Variants in SLC45A1 observed in about 807,000 individuals in gnomAD.
SLC45A1 encodes the protein solute carrier family 45 member 1.
SLC45A1 carries 28 observed loss-of-function variants against 57.6 expected under a neutral mutation model. The ratio of observed to expected loss-of-function variants is 0.49; its 90% CI spans 0.36 to 0.67. The LOEUF is 0.67. Among genes scored for constraint, SLC45A1 ranks in the 30% least tolerant of loss-of-function variants. The pLI is 0.00. For synonymous variants in SLC45A1, 459 were observed against 471.5 expected (o/e 0.97, Z 0.34); for missense variants, 814 against 1,041.5 (o/e 0.78, Z 3.01).
chr1:8,344,058 C>A lies in SLC45A1; in HGVS notation c.*45C>A. 1 of 1,559,690 alleles carries A rather than the reference C, an allele frequency of 6.4e-7. No individual in the cohort carries two copies. The highest frequency in any genetic ancestry group is 1.2e-5 in the South Asian group (1 of 85,214). Reference sequence around the variant, plus strand: ...CGGACACGCGCCTGCACCTGGGGGTCTGGAGCAGGCCGACCAGTGAGGACC... The same window carrying A: ...CGGACACGCGCCTGCACCTGGGGGTATGGAGCAGGCCGACCAGTGAGGACC... On this transcript the variant is annotated 3_prime_UTR_variant, in exon 9 of 9. Transcript: ENST00000471889.
Position 8,324,481 on chromosome 1 carries a change from A to G in SLC45A1, c.152A>G (p.Lys51Arg), listed in dbSNP as rs1557559111. The part of the protein sequence containing the change: ...HRANNFKRHP[K>R]RRKCIRPSPP... ...GCCAACAACTTCAAACGACACCCCA[A>G]GAGGAGGAAGTGCATTCGTCCCTCC... The change falls in exon 2 of 9, where the codon AAG (lysine) becomes AGG (arginine). Residue 51 changes from lysine to arginine, a missense_variant. Coordinates refer to ENST00000471889, the MANE Select transcript of SLC45A1 (RefSeq NM_001080397.3). 3.1e-6 allele frequency: 5 copies of G among 1,612,584 alleles called. No homozygotes were observed. The highest frequency in any genetic ancestry group is 1.3e-5 in the African/African-American group (1 of 74,968).
Position 8,335,653 on chromosome 1 carries a change from C to T in SLC45A1, c.1597+63C>T, listed in dbSNP as rs907415746. ...CTGCTCAGGGCTCTCGCCCCACTGG[C>T]CTCCCAGGATGCCCCTGAGCCTCCC... is the stretch of plus-strand genomic sequence containing the variant. On this transcript the variant is annotated intron_variant, in intron 6 of 8. Transcript: ENST00000471889. This position sits in a 1 kb window ranked among gnomAD's most constrained non-coding sequence, Gnocchi z 4.1. 48 of 1,494,620 alleles carry T rather than the reference C, an allele frequency of 3.2e-5. No individual in the cohort carries two copies. Among genetic ancestry groups the T allele is most frequent in the Non-Finnish European group, 3.7e-5 (42 of 1,122,458 alleles). The allele number at this position is 1,494,620 out of a possible 1,614,324, so 92.6% of individuals were successfully genotyped here.
chr1:8,335,474 G>A lies in SLC45A1; in HGVS notation c.1481G>A (p.Ser494Asn). The A allele has an allele frequency of 1.9e-6, 3 of 1,600,074 alleles. No individual in the cohort carries two copies. The highest frequency in any genetic ancestry group is 2.2e-5 in the East Asian group (1 of 44,842). The change falls in exon 6 of 9, where the codon AGC becomes AAC. Residue 494 changes from serine (S) to asparagine (N), a missense_variant. Ser to Asn is a conservative substitution (Grantham distance 46). Coordinates refer to ENST00000471889, the MANE Select transcript of SLC45A1 (RefSeq NM_001080397.3). The surrounding 1 kb of genome is among the most constrained non-coding windows in gnomAD (Gnocchi z 4.1). ...NILLNGVKYE[S>N]ELTGSSERAE... ...CTGCTCAACGGCGTGAAGTATGAGA[G>A]CGAGCTGACGGGCTCCAGCGAGCGC...
chr1:8,338,065 C>A, intron 7 of SLC45A1, 73 bp downstream of exon 7: 2 of 1,411,778 alleles, frequency 1.4e-6, no homozygotes, highest in Non-Finnish European at 1.9e-6. Context: ...GAAATGAAGG[C>A]AGGTTCATGG....
rs368675682 is a variant in SLC45A1, at chr1:8,324,309, C to T, written c.-21C>T. On this transcript the variant is annotated 5_prime_UTR_variant, in exon 2 of 9. It adds an upstream start codon to the 5' untranslated region. Transcript: ENST00000471889. ...TCCCCACGGGCTTTCCTCACAGGGA[C>T]GCCCACCAGCCCTCCCCACGATGAT... 4.7e-5 allele frequency: 75 copies of T among 1,605,096 alleles called. No homozygotes were observed. The highest frequency in any genetic ancestry group is 9.3e-5 in the African/African-American group (7 of 74,918).
chr1:8,335,428 T>C lies in SLC45A1; in HGVS notation c.1444-9T>C, dbSNP rs1306396589. The C allele has an allele frequency of 1.3e-6, 2 of 1,579,234 alleles. No individual in the cohort carries two copies. ...GGGCTCTGATGAGGGGTTTGTGGGC[T>C]CTTCCCAGGTGGCCAATATCCTGCT... On this transcript the variant is annotated splice_polypyrimidine_tract_variant and intron_variant, in intron 5 of 8. Transcript: ENST00000471889. The surrounding 1 kb of genome is among the most constrained non-coding windows in gnomAD (Gnocchi z 4.1).
rs764301428 is a variant in SLC45A1 at position 8,325,278 on chromosome 1, G to A, written c.398-20G>A. On this transcript the variant is annotated intron_variant, in intron 2 of 8. Coordinates refer to ENST00000471889, the MANE Select transcript of SLC45A1 (RefSeq NM_001080397.3). The surrounding 1 kb of genome is among the most constrained non-coding windows in gnomAD (Gnocchi z 6.3). Reference sequence around the variant, plus strand: ...TGCCATGGGGACCCTGGCAATGACCGCTGGCCTGCTCTGTTTCAGGATTCC... The same window carrying A: ...TGCCATGGGGACCCTGGCAATGACCACTGGCCTGCTCTGTTTCAGGATTCC... 16 of 1,578,396 alleles carry A rather than the reference G, an allele frequency of 1.0e-5. No individual in the cohort carries two copies. Among genetic ancestry groups the A allele is most frequent in the East Asian group, 4.5e-5 (2 of 44,704 alleles).
intron 6 of SLC45A1, among the ~76,000 whole-genome samples, chr1:8,336,280 C>T (rs563775132): frequency 8.5e-5 from 13 of 152,060 alleles, no homozygotes; most frequent in African/African-American, 2.2e-4. Context: ...CATGGTGGTG[C>T]GTGCCTGTAA....
In SLC45A1 at chr1:8,339,596, C is replaced by T. The variant is rs747485662; in HGVS notation, c.1878C>T (p.Asn626=). Residue 626 remains asparagine (N), a synonymous_variant, in exon 8 of 9, where the codon AAC becomes AAT. Coordinates refer to ENST00000471889, the MANE Select transcript of SLC45A1 (RefSeq NM_001080397.3). ...LGTGLATLSR[N]LYVVLSLCIT... Reference sequence around the variant, plus strand: ...CCGGGCTTGCCACCCTCTCCAGGAACCTCTACGTGGTCCTGTCGCTCTGCA... The same window carrying T: ...CCGGGCTTGCCACCCTCTCCAGGAATCTCTACGTGGTCCTGTCGCTCTGCA... 7.4e-6 allele frequency: 12 copies of T among 1,614,122 alleles called. No homozygotes were observed. In the South Asian group the frequency reaches 1.1e-4, roughly 15 times the overall value.
At position 8,325,902 on chromosome 1, in the gene SLC45A1, G is replaced by T; in HGVS notation, c.575G>T (p.Gly192Val). 1 of 1,614,054 alleles carries T rather than the reference G, an allele frequency of 6.2e-7. No homozygotes were observed. The highest frequency in any genetic ancestry group is 1.3e-5 in the African/African-American group (1 of 75,068). The change falls in exon 4 of 9, where the codon GGC becomes GTC. Residue 192 changes from glycine to valine, a missense_variant. By Grantham distance (109) the Gly-to-Val change is moderately radical (BLOSUM62 -3). Coordinates refer to ENST00000471889, the MANE Select transcript of SLC45A1 (RefSeq NM_001080397.3). This position sits in a 1 kb window ranked among gnomAD's most constrained non-coding sequence, Gnocchi z 6.3. ...LADVTGNHKWGLLLTVCGVVL... is the reference protein window; with the variant it reads ...LADVTGNHKWVLLLTVCGVVL... ...GACGTGACCGGGAACCACAAGTGGG[G>T]CCTGCTGCTGACCGTGTGCGGTGTG...
chr1:8,336,409 C>CA (rs1208792018), intron 6 of SLC45A1, among the ~76,000 whole-genome samples: 10,305 of 92,566 alleles, frequency 0.11, 406 homozygotes, highest in Middle Eastern at 0.15. Flanking sequence ...GACTCCATCT[C>CA]AAAAAAAAAA....
In SLC45A1 at chr1:8,324,732, C is replaced by A; in HGVS notation, c.397+6C>A. The stretch of plus-strand genomic sequence containing the variant: ...GTTCATCAGCCCCATCCTCGGTGAG[C>A]CCCGGCTCCTCCCCGATGGTGGAGG... On this transcript the variant is annotated splice_donor_region_variant and intron_variant, in intron 2 of 8. Coordinates refer to ENST00000471889, the MANE Select transcript of SLC45A1 (RefSeq NM_001080397.3). 3 of 1,571,798 alleles carry A rather than the reference C, an allele frequency of 1.9e-6. No individual in the cohort carries two copies. The highest frequency in any genetic ancestry group is 2.6e-6 in the Non-Finnish European group (3 of 1,157,536).
chr1:8,336,767 C>T (rs1037239710), intron 6 of SLC45A1, among the ~76,000 whole-genome samples: 28 of 152,156 alleles, frequency 1.8e-4, no homozygotes, highest in African/African-American at 6.8e-4. Context: ...TGGCATAGAA[C>T]ATTGTAGATG....
rs756713316 is a variant in SLC45A1, at chr1:8,330,909, G to A, written c.1416G>A (p.Arg472=). 2 of 1,598,154 alleles carry A rather than the reference G, an allele frequency of 1.3e-6. No individual in the cohort carries two copies. The highest frequency in any genetic ancestry group is 1.3e-5 in the African/African-American group (1 of 74,532). ...AAGGGGPETS[R]RRNVTFSQQV... ...GAGGAGGGGGTCCCGAAACCAGCAG[G>A]AGAAGGAATGTGACCTTCAGTCAGC... Residue 472 remains arginine (R), a synonymous_variant, in exon 5 of 9, where the codon AGG becomes AGA. Transcript: ENST00000471889. The surrounding 1 kb of genome is among the most constrained non-coding windows in gnomAD (Gnocchi z 8.4).
chr1:8,321,480 G>A (rs752232619), intron 1 of SLC45A1, among the ~76,000 whole-genome samples: 1 of 152,060 alleles, frequency 6.6e-6, no homozygotes, highest in Non-Finnish European at 1.5e-5. Flanking sequence ...CACCCCCACT[G>A]TGCCCAACTG....
At chr1:8,324,079 G>A (rs1236007827) in intron 1 of SLC45A1, among the ~76,000 whole-genome samples, 1 of 152,184 alleles carries the variant, frequency 6.6e-6, no homozygotes, top group Non-Finnish European at 1.5e-5. Flanking sequence ...GTGGGGACCT[G>A]CAGGACGGGG....
chr1:8,322,549 G>T (rs1640066530), intron 1 of SLC45A1, among the ~76,000 whole-genome samples: 1 of 151,766 alleles, frequency 6.6e-6, no homozygotes, highest in South Asian at 2.1e-4. Flanking sequence ...GAGTGGGTGG[G>T]GTGGTGGAAG....
Position 8,330,390 on chromosome 1 carries a change from G to T in SLC45A1, c.897G>T (p.Lys299Asn), listed in dbSNP as rs374471615. 4 of 1,612,602 alleles carry T rather than the reference G, an allele frequency of 2.5e-6. No individual in the cohort carries two copies. The highest frequency in any genetic ancestry group is 1.3e-5 in the African/African-American group (1 of 74,886). ...GGCCGCTGCGGCCGCCGAGTGAGAAGCGGGCAGCCATGAAGAGCCCCAGCC... is the reference window on the plus strand; with the variant it reads ...GGCCGCTGCGGCCGCCGAGTGAGAATCGGGCAGCCATGAAGAGCCCCAGCC... ...PERPLRPPSE[K>N]RAAMKSPSLP... The change falls in exon 5 of 9, where the codon AAG (lysine) becomes AAT (asparagine). Residue 299 changes from lysine (K) to asparagine (N), a missense_variant. Lys to Asn is a moderately conservative substitution (Grantham distance 94, BLOSUM62 0). Coordinates refer to ENST00000471889, the MANE Select transcript of SLC45A1 (RefSeq NM_001080397.3). This position sits in a 1 kb window ranked among gnomAD's most constrained non-coding sequence, Gnocchi z 8.4.
At position 8,335,345 on chromosome 1, in the gene SLC45A1, T is replaced by A; in HGVS notation, c.1444-92T>A. 1 of 1,282,204 alleles carries A rather than the reference T, an allele frequency of 7.8e-7. No individual in the cohort carries two copies. Among genetic ancestry groups the A allele is most frequent in the Non-Finnish European group, 1.0e-6 (1 of 960,560 alleles). The allele number at this position is 1,282,204 out of a possible 1,614,324, so 79.4% of individuals were successfully genotyped here. On this transcript the variant is annotated intron_variant, in intron 5 of 8. Transcript: ENST00000471889. The surrounding 1 kb of genome is among the most constrained non-coding windows in gnomAD (Gnocchi z 4.1). ...AGACCCTTGCAGCCTCCGTGCGGTGTTTCCGAGAGCGCATTCCCCTGAGCA... is the reference window on the plus strand; with the variant it reads ...AGACCCTTGCAGCCTCCGTGCGGTGATTCCGAGAGCGCATTCCCCTGAGCA...
Sources: gnomAD v4.1 joint callset for allele counts (sites outside exome capture counted in the v4.1 genomes callset) on GRCh38, gnomAD v4.1.1 for gene constraint, Gnocchi (gnomAD v3.1) non-coding constraint, MANE v1.5 for transcripts, NCBI Gene and HGNC (gene_info 2026-07-23, HGNC 2026-07-21) for gene names.